Variants in OR1L6 observed in about 807,000 individuals in gnomAD.
The protein encoded by OR1L6 is olfactory receptor family 1 subfamily L member 6, also known as olfactory receptor 1L6.
In OR1L6, 2 loss-of-function variants were observed where a neutral mutation model predicts 3.0. The observed-to-expected ratio is 0.68, with a 90% CI of 0.28 to 2.13. The LOEUF is 2.13. OR1L6 is among the 30% of genes most tolerant of loss of function. The probability of loss-of-function intolerance (pLI) is 0.14; values close to 1 mark genes in which losing one functional copy is unlikely to be tolerated. For synonymous variants in OR1L6, 121 were observed against 148.4 expected (o/e 0.82, Z 1.34); for missense variants, 304 against 378.4 (o/e 0.80, Z 1.63).
intron 1 of OR1L6, among the ~76,000 whole-genome samples, chr9:122,746,522 T>C (rs1003345003): frequency 6.6e-6 from 1 of 152,240 alleles, no homozygotes; most frequent in Non-Finnish European, 1.5e-5. Context: ...GTTTGTTATG[T>C]TGTATTATGT....
At chr9:122,746,483 G>A (rs906362298) in intron 1 of OR1L6, among the ~76,000 whole-genome samples, 1 of 152,110 alleles carries the variant, frequency 6.6e-6, no homozygotes, top group Non-Finnish European at 1.5e-5. Flanking sequence ...ACCTATTTGT[G>A]AATACTCTGT....
intron 1 of OR1L6, among the ~76,000 whole-genome samples, chr9:122,746,720 T>C (rs540902111): frequency 4.3e-4 from 66 of 152,316 alleles, no homozygotes; most frequent in African/African-American, 1.6e-3. Flanking sequence ...CTAGTATACA[T>C]GAGGATCTAA....
chr9:122,748,883 T>C (rs1828861600), intron 1 of OR1L6, among the ~76,000 whole-genome samples: 1 of 152,202 alleles, frequency 6.6e-6, no homozygotes, highest in Admixed American at 6.5e-5. Context: ...CCATCCATAG[T>C]GCTACAAATG....
chr9:122,747,466 T>C (rs2118909145), intron 1 of OR1L6, among the ~76,000 whole-genome samples: 1 of 152,200 alleles, frequency 6.6e-6, no homozygotes, highest in Admixed American at 6.5e-5. Flanking sequence ...TTCACAAGTT[T>C]CATTAAAAAT....
intron 1 of OR1L6, among the ~76,000 whole-genome samples, chr9:122,745,225 A>C (rs1828824171): frequency 6.6e-6 from 1 of 152,160 alleles, no homozygotes; most frequent in Admixed American, 6.5e-5. Context: ...ATATACAGAC[A>C]AAAAATATCC....
intron 1 of OR1L6, among the ~76,000 whole-genome samples, chr9:122,745,408 C>CTT (rs71892392): frequency 0.28 from 24,289 of 87,626 alleles, 6,438 homozygotes; most frequent in East Asian, 0.46. Flanking sequence ...ATAAACACAC[C>CTT]TTTTTTTTTT....
At chr9:122,744,829 T>C (rs148837979) in intron 1 of OR1L6, among the ~76,000 whole-genome samples, 7 of 152,288 alleles carry the variant, frequency 4.6e-5, no homozygotes, top group Admixed American at 3.3e-4. Context: ...CCATCATCTA[T>C]TTGGAAGTGA....
At chr9:122,748,722 T>C (rs1828860292) in intron 1 of OR1L6, among the ~76,000 whole-genome samples, 1 of 152,222 alleles carries the variant, frequency 6.6e-6, no homozygotes, top group Non-Finnish European at 1.5e-5. Context: ...TTATCCATCA[T>C]TCCACTCACA....
chr9:122,743,070 C>T (rs77847400), intron 1 of OR1L6, among the ~76,000 whole-genome samples: 3,011 of 152,274 alleles, frequency 0.02, 72 homozygotes, highest in South Asian at 0.034. Flanking sequence ...ATCCACAGCC[C>T]CTTCCTTAGG....
At position 122,750,403 on chromosome 9, in the gene OR1L6, C is replaced by A; in HGVS notation, c.556C>A (p.Leu186Ile). 1 of 1,609,824 alleles carries A rather than the reference C, an allele frequency of 6.2e-7. No homozygotes were observed. Among genetic ancestry groups the A allele is most frequent in the Non-Finnish European group, 8.5e-7 (1 of 1,177,474 alleles). ...CTTTTTCTGTGACACCCAGCCTGTG[C>A]TAAAGCTCTCCTGCTCTGACACATC... Reference protein sequence around the residue: ...KHFFCDTQPVLKLSCSDTSSS... With the variant: ...KHFFCDTQPVIKLSCSDTSSS... Residue 186 changes from leucine to isoleucine, a missense_variant, in exon 2 of 2, where the codon CTA (leucine) becomes ATA (isoleucine). Coordinates refer to ENST00000304720, the MANE Select transcript of OR1L6 (RefSeq NM_001004453.3).
intron 1 of OR1L6, among the ~76,000 whole-genome samples, chr9:122,742,711 T>C (rs1314110257): frequency 2.0e-5 from 3 of 152,236 alleles, no homozygotes. Context: ...TCTGGGAATG[T>C]AATCCACCAC....
chr9:122,750,742 A>T lies in OR1L6; in HGVS notation c.895A>T (p.Lys299Ter). The change falls in exon 2 of 2, where the codon AAG becomes TAG. Residue 299 changes from lysine to a stop codon, truncating the protein, a stop_gained. Coordinates refer to ENST00000304720, the MANE Select transcript of OR1L6 (RefSeq NM_001004453.3). LOFTEE classifies it high-confidence loss of function. Reference sequence around the variant, plus strand: ...CTACAGCCTGAGGAACAAAGATATGAAGAGGGGTTTGAAGAAATTACAGGA... The same window carrying T: ...CTACAGCCTGAGGAACAAAGATATGTAGAGGGGTTTGAAGAAATTACAGGA... ...FIYSLRNKDM[K>*]RGLKKLQDRI... 1.2e-6 allele frequency: 2 copies of T among 1,611,436 alleles called. No homozygotes were observed. The highest frequency in any genetic ancestry group is 1.7e-6 in the Non-Finnish European group (2 of 1,179,400).
chr9:122,744,231 A>T (rs572826749), intron 1 of OR1L6, among the ~76,000 whole-genome samples: 1 of 152,334 alleles, frequency 6.6e-6, no homozygotes, highest in African/African-American at 2.4e-5. Flanking sequence ...GAGTAGGTGC[A>T]TGGATAACAA....
Position 122,750,653 on chromosome 9 carries a change from T to C in OR1L6, c.806T>C (p.Val269Ala). 1 of 1,614,188 alleles carries C rather than the reference T, an allele frequency of 6.2e-7. No individual in the cohort carries two copies. Among genetic ancestry groups the C allele is most frequent in the Non-Finnish European group, 8.5e-7 (1 of 1,180,042 alleles). Reference protein sequence around the residue: ...VYFRPLSMYSVVRDRVATVMY... With the variant: ...VYFRPLSMYSAVRDRVATVMY... ...TTTAGGCCCCTGTCCATGTACTCAG[T>C]GGTTAGGGACCGGGTAGCCACAGTT... is the stretch of plus-strand genomic sequence containing the variant. Residue 269 changes from valine (V) to alanine (A), a missense_variant, in exon 2 of 2, where the codon GTG becomes GCG. Physicochemically the swap from Val to Ala is moderately conservative, Grantham distance 64. Around this residue, in one of 3 missense-constraint regions of OR1L6, gnomAD observed 91 missense variants for 87.8 expected, o/e 1.04. Transcript: ENST00000304720.
rs767496107 is a variant in OR1L6 at position 122,749,956 on chromosome 9, C to A, written c.109C>A (p.Leu37Met). 1 of 1,614,152 alleles carries A rather than the reference C, an allele frequency of 6.2e-7. No homozygotes were observed. Among genetic ancestry groups the A allele is most frequent in the Non-Finnish European group, 8.5e-7 (1 of 1,180,040 alleles). Residue 37 changes from leucine (L) to methionine (M), a missense_variant, in exon 2 of 2, where the codon CTG (leucine) becomes ATG (methionine). By Grantham distance (15) the Leu-to-Met change is conservative (BLOSUM62 2). This residue lies in a region of OR1L6 where 192 missense variants were observed against 242.7 expected (regional missense o/e 0.79). Coordinates refer to ENST00000304720, the MANE Select transcript of OR1L6 (RefSeq NM_001004453.3). Reference sequence around the variant, plus strand: ...CTTTGCCATCTTCCTCATCATGTACCTGCTCGCTGCGGTGGGGAATGTGCT... The same window carrying A: ...CTTTGCCATCTTCCTCATCATGTACATGCTCGCTGCGGTGGGGAATGTGCT... Reference protein sequence around the residue: ...PLFAIFLIMYLLAAVGNVLII... With the variant: ...PLFAIFLIMYMLAAVGNVLII...
intron 1 of OR1L6, among the ~76,000 whole-genome samples, chr9:122,745,250 G>C (rs1444005242): frequency 6.6e-6 from 1 of 151,954 alleles, no homozygotes; most frequent in African/African-American, 2.4e-5. Context: ...TAACATTCTT[G>C]GGGTAGCGGA....
chr9:122,744,075 T>C lies in OR1L6; in HGVS notation c.-14+1702T>C, dbSNP rs891906997. 7.2e-4 allele frequency among the ~76,000 whole-genome samples: 110 copies of C among 152,312 alleles called. 1 individual carries two copies. Among genetic ancestry groups the C allele is most frequent in the Non-Finnish European group, 9.3e-4 (63 of 68,024 alleles). ...ACTCTCTGAACTTCAGTCTCCTTCG[T>C]TGTAAAGGGCAAAATAATGGTACTT... On this transcript the variant is annotated intron_variant, in intron 1 of 1. Coordinates refer to ENST00000304720, the MANE Select transcript of OR1L6 (RefSeq NM_001004453.3).
chr9:122,749,971 G>A lies in OR1L6; in HGVS notation c.124G>A (p.Gly42Arg). The A allele has an allele frequency of 6.2e-7, 1 of 1,614,116 alleles. No homozygotes were observed. Reference sequence around the variant, plus strand: ...CATCATGTACCTGCTCGCTGCGGTGGGGAATGTGCTCATCATCCCGGCCAT... The same window carrying A: ...CATCATGTACCTGCTCGCTGCGGTGAGGAATGTGCTCATCATCCCGGCCAT... ...FLIMYLLAAV[G>R]NVLIIPAIYS... The change falls in exon 2 of 2, where the codon GGG becomes AGG. Residue 42 changes from glycine to arginine, a missense_variant. Coordinates refer to ENST00000304720, the MANE Select transcript of OR1L6 (RefSeq NM_001004453.3).
At chr9:122,747,232 C>G (rs899581274) in intron 1 of OR1L6, among the ~76,000 whole-genome samples, 1 of 152,010 alleles carries the variant, frequency 6.6e-6, no homozygotes, top group African/African-American at 2.4e-5. Context: ...AAATTACTGT[C>G]TCTATATATC....
Sources: gnomAD v4.1 joint callset for allele counts (sites outside exome capture counted in the v4.1 genomes callset) on GRCh38, gnomAD v4.1.1 for gene constraint, gnomAD v4.1.1 regional missense constraint, MANE v1.5 for transcripts, NCBI Gene and HGNC (gene_info 2026-07-23, HGNC 2026-07-21) for gene names.